The following STEAP1B variants were observed in gnomAD, a reference collection of about 807,000 sequenced individuals.
STEAP1B encodes STEAP family member 1B.
Under a neutral mutation model 27.9 loss-of-function variants are expected in STEAP1B, and 13 were observed. The ratio of observed to expected loss-of-function variants is 0.47; its 90% confidence interval spans 0.30 to 0.74. The LOEUF is 0.74. Ranked by LOEUF, STEAP1B falls within the 30% of genes least tolerant of loss-of-function variation. The pLI is 0.06. For missense variants in STEAP1B, 250 were observed against 298.7 expected (o/e 0.84, Z 1.20); for synonymous variants, 86 against 107.1 (o/e 0.80, Z 1.22).
At chr7:22,491,536 G>C (rs1786321618) in intron 4 of STEAP1B, among the ~76,000 whole-genome samples, 1 of 152,180 alleles carries the variant, frequency 6.6e-6, no homozygotes, top group Admixed American at 6.5e-5. Flanking sequence ...AGTAAACTCT[G>C]TCTTGCATTT....
intron 4 of STEAP1B, among the ~76,000 whole-genome samples, chr7:22,453,394 A>C (rs150071700): frequency 3.6e-3 from 247 of 68,738 alleles, no homozygotes; most frequent in African/African-American, 0.013. Context: ...TTTCCCCCTG[A>C]ACTCTACAGA....
chr7:22,421,945 T>C (rs1785048271), intron 4 of STEAP1B, among the ~76,000 whole-genome samples: 1 of 152,266 alleles, frequency 6.6e-6, no homozygotes, highest in Non-Finnish European at 1.5e-5. Flanking sequence ...ACTTTGAATT[T>C]AGAATTATCA....
chr7:22,482,263 G>C (rs879597740), intron 4 of STEAP1B, among the ~76,000 whole-genome samples: 2 of 152,274 alleles, frequency 1.3e-5, no homozygotes, highest in Non-Finnish European at 2.9e-5. Flanking sequence ...TTTACTGGGG[G>C]TATGCTCTCA....
At chr7:22,443,512 T>G (rs1404303550) in intron 4 of STEAP1B, among the ~76,000 whole-genome samples, 1 of 152,212 alleles carries the variant, frequency 6.6e-6, no homozygotes, top group African/African-American at 2.4e-5. Context: ...AAAAGCTGTC[T>G]CTGGGTGTGG....
At chr7:22,420,248 C>G (rs1462308806) in intron 4 of STEAP1B, among the ~76,000 whole-genome samples, 1 of 152,160 alleles carries the variant, frequency 6.6e-6, no homozygotes, top group African/African-American at 2.4e-5. Flanking sequence ...ACAGTAGGCA[C>G]AGTAAAAGAA....
chr7:22,456,684 G>C (rs1414141461), intron 4 of STEAP1B, among the ~76,000 whole-genome samples: 1 of 151,788 alleles, frequency 6.6e-6, no homozygotes, highest in Non-Finnish European at 1.5e-5. Flanking sequence ...CTTGAGTCAT[G>C]AAAAAAGGGA....
chr7:22,439,328 C>T (rs1352076348), intron 4 of STEAP1B, among the ~76,000 whole-genome samples: 1 of 152,180 alleles, frequency 6.6e-6, no homozygotes, highest in African/African-American at 2.4e-5. Flanking sequence ...CTGATACCTG[C>T]ACATGTGATG....
intron 4 of STEAP1B, among the ~76,000 whole-genome samples, chr7:22,482,183 C>A (rs544002138): frequency 1.3e-5 from 2 of 152,150 alleles, no homozygotes; most frequent in Admixed American, 6.5e-5. Flanking sequence ...TCCTTTCCTG[C>A]CCACCACCTC....
chr7:22,462,054 G>C (rs1785687701), intron 4 of STEAP1B, among the ~76,000 whole-genome samples: 1 of 152,080 alleles, frequency 6.6e-6, no homozygotes, highest in African/African-American at 2.4e-5. Flanking sequence ...CTAAGCTGTT[G>C]CCTTTCTCAC....
intron 4 of STEAP1B, among the ~76,000 whole-genome samples, chr7:22,452,542 C>T (rs1785508529): frequency 6.6e-6 from 1 of 152,150 alleles, no homozygotes; most frequent in Non-Finnish European, 1.5e-5. Context: ...CGGTTTGGAG[C>T]TGCAAGGCAA....
At chr7:22,432,295 T>G (rs112095429) in intron 4 of STEAP1B, among the ~76,000 whole-genome samples, 1 of 151,920 alleles carries the variant, frequency 6.6e-6, no homozygotes, top group Non-Finnish European at 1.5e-5. Flanking sequence ...TCCCAGTGCT[T>G]TGGGAGGCTG....
At chr7:22,471,893 CAAAAAAAAAAAA>C (rs59453902) in intron 4 of STEAP1B, among the ~76,000 whole-genome samples, 26 of 60,192 alleles carry the variant, frequency 4.3e-4, no homozygotes, top group South Asian at 2.2e-3. Context: ...AACCTGTCTC[CAAAAAAAAAAAA>C]AAAAAAAAAA....
chr7:22,446,341 C>T (rs1785409080), intron 4 of STEAP1B, among the ~76,000 whole-genome samples: 1 of 152,240 alleles, frequency 6.6e-6, no homozygotes, highest in South Asian at 2.1e-4. Context: ...CTGCGCTTTG[C>T]AAGACAATGC....
Position 22,493,722 on chromosome 7 carries a change from G to C in STEAP1B, c.199C>G (p.Leu67Val). The C allele has an allele frequency of 6.2e-7, 1 of 1,613,980 alleles. No homozygotes were observed. Among genetic ancestry groups the C allele is most frequent in the African/African-American group, 1.3e-5 (1 of 75,038 alleles). Residue 67 changes from leucine (L) to valine (V), a missense_variant, in exon 3 of 5, where the codon CTC becomes GTC. Coordinates refer to ENST00000678116, the MANE Select transcript of STEAP1B (RefSeq NM_001382447.1). ...CPSELQHAQE[L>V]FPQWHLPIKI... ...ATTGGCAAGTGCCACTGTGGAAAGA[G>C]TTCCTGTGCGTGCTGAAGTTCTGAA...
At chr7:22,455,431 A>G (rs1271142085) in intron 4 of STEAP1B, among the ~76,000 whole-genome samples, 3 of 152,234 alleles carry the variant, frequency 2.0e-5, no homozygotes, top group Admixed American at 6.5e-5. Flanking sequence ...TCTGGTGAGT[A>G]TGAAGTGGCA....
Position 22,487,448 on chromosome 7 carries a change from A to G in STEAP1B, c.762+5117T>C, listed in dbSNP as rs558002094. Reference sequence around the variant, plus strand: ...ACTTGATAGTTAGATAAAAGGTTTCAGTTACATGAGTATTTGTTTGAAAAA... The same window carrying G: ...ACTTGATAGTTAGATAAAAGGTTTCGGTTACATGAGTATTTGTTTGAAAAA... On this transcript the variant is annotated intron_variant, in intron 4 of 4. Transcript: ENST00000678116. 2.4e-4 allele frequency among the ~76,000 whole-genome samples: 36 copies of G among 152,162 alleles called. 1 individual carries two copies. In the South Asian group the frequency reaches 7.3e-3, roughly 31 times the overall value.
intron 4 of STEAP1B, among the ~76,000 whole-genome samples, chr7:22,442,119 C>A (rs79509904): frequency 0.036 from 5,405 of 152,098 alleles, 310 homozygotes; most frequent in African/African-American, 0.12. Flanking sequence ...TGAATAAAAC[C>A]CAAATGAATG....
At chr7:22,425,765 T>C (rs1785097561) in intron 4 of STEAP1B, among the ~76,000 whole-genome samples, 2 of 152,270 alleles carry the variant, frequency 1.3e-5, no homozygotes, top group African/African-American at 4.8e-5. Context: ...GCCTCCTGCC[T>C]TAGACCCAGC....
At chr7:22,456,875 C>A (rs1380911459) in intron 4 of STEAP1B, among the ~76,000 whole-genome samples, 4 of 146,878 alleles carry the variant, frequency 2.7e-5, no homozygotes, top group Non-Finnish European at 6.0e-5. Flanking sequence ...GCGGAACTCG[C>A]CAAGCCCAGC....
Sources: allele counts gnomAD v4.1 joint callset (sites outside exome capture counted in the v4.1 genomes callset), GRCh38; gene constraint gnomAD v4.1.1; transcripts MANE v1.5; gene names NCBI Gene and HGNC (gene_info 2026-07-23, HGNC 2026-07-21).